The following MLST8 variants were observed in gnomAD, a reference collection of about 807,000 sequenced individuals.
The protein encoded by MLST8 is MTOR associated protein MLST8, also known as target of rapamycin complex subunit LST8.
Under a neutral mutation model 41.3 loss-of-function variants are expected in MLST8, and 20 were observed. The ratio of observed to expected loss-of-function variants is 0.48; its 90% confidence interval spans 0.34 to 0.70. MLST8 has a LOEUF of 0.70. MLST8 is among the 30% of genes least tolerant of loss of function. The pLI is 0.01. For missense variants in MLST8, 422 were observed against 454.3 expected, an observed-to-expected ratio of 0.93 and a Z score of 0.65; for synonymous variants, 243 against 183.0, an observed-to-expected ratio of 1.33 and a Z score of -2.65.
chr16:2,208,636 C>G (rs369486511), intron 8 of MLST8, 23 bp downstream of exon 8: 3 of 1,611,878 alleles, frequency 1.9e-6, no homozygotes, highest in Non-Finnish European at 2.5e-6. Context: ...CTGGCCTCCC[C>G]CATCCCTGGC....
rs368089285 is a variant in MLST8 at position 2,208,495 on chromosome 16, G to A, written c.744G>A (p.Arg248=). The A allele has an allele frequency of 6.2e-6, 10 of 1,613,252 alleles. No individual in the cohort carries two copies. The African/African-American group carries it at 8.0e-5, about 13-fold the overall frequency. ...CSADQTCKIW[R]TSNFSLMTEL... Reference sequence around the variant, plus strand: ...CTGATCAGACGTGCAAGATCTGGAGGACGTCCAACTTCTCCCTGATGACGG... The same window carrying A: ...CTGATCAGACGTGCAAGATCTGGAGAACGTCCAACTTCTCCCTGATGACGG... The change falls in exon 8 of 9, where the codon AGG becomes AGA. Residue 248 remains arginine (R), a synonymous_variant. Coordinates refer to ENST00000569417, the MANE Select transcript of MLST8 (RefSeq NM_022372.6).
Position 2,208,159 on chromosome 16 carries a change from G to T in MLST8, c.574-51G>T, listed in dbSNP as rs774313539. 7 of 1,551,062 alleles carry T rather than the reference G, an allele frequency of 4.5e-6. No homozygotes were observed. In the South Asian group the frequency reaches 8.4e-5, roughly 19 times the overall value. ...TGGCCCCCAGGGCATCCTTCCCTGT[G>T]TCTCAGACCTGAGGCCTTGGGCCCT... On this transcript the variant is annotated intron_variant, in intron 6 of 8. Coordinates refer to ENST00000569417, the MANE Select transcript of MLST8 (RefSeq NM_022372.6).
In MLST8 at chr16:2,208,239, G is replaced by C. The variant is rs774825501; in HGVS notation, c.603G>C (p.Gly201=). The change falls in exon 7 of 9, where the codon GGG becomes GGC. Residue 201 remains glycine (G), a synonymous_variant. Coordinates refer to ENST00000569417, the MANE Select transcript of MLST8 (RefSeq NM_022372.6). ...ACTGCTATGTCTGGAATCTGACGGG[G>C]GGCATTGGTGACGAGGTGACCCAGC... ...TGNCYVWNLT[G]GIGDEVTQLI... is the part of the protein sequence containing the mutation. 5 of 1,613,378 alleles carry C rather than the reference G, an allele frequency of 3.1e-6. No homozygotes were observed. In the South Asian group the frequency reaches 4.4e-5, roughly 14 times the overall value.
intron 6 of MLST8, chr16:2,207,803 C>T (rs1596721587): frequency 1.3e-5 from 3 of 231,412 alleles, no homozygotes; most frequent in South Asian, 8.0e-5. Flanking sequence ...TGTGGCGTGG[C>T]CCCTGCTCTT....
intron 7 of MLST8, 40 bp from the exon 8 acceptor site, chr16:2,208,410 G>C: frequency 6.2e-7 from 1 of 1,608,768 alleles, no homozygotes; most frequent in African/African-American, 1.3e-5. Flanking sequence ...CTGCTGGATG[G>C]AGTGGCTGCT....
rs2093361207 is a variant in MLST8 at position 2,209,423 on chromosome 16, A to G, written c.*546A>G. On this transcript the variant is annotated 3_prime_UTR_variant, in exon 9 of 9. Transcript: ENST00000569417. The stretch of plus-strand genomic sequence containing the variant: ...GATGTTGCTCGGGAAGCAGATGTCG[A>G]TGCAGAGATAAATCAGCCGCTGTCT... 5 of 1,613,824 alleles carry G rather than the reference A, an allele frequency of 3.1e-6. No individual in the cohort carries two copies. Among genetic ancestry groups the G allele is most frequent in the Non-Finnish European group, 4.2e-6 (5 of 1,179,996 alleles).
chr16:2,208,159 G>C, intron 6 of MLST8, 51 bp from the exon 7 acceptor site: 1 of 1,551,062 alleles, frequency 6.4e-7, no homozygotes. Context: ...CCTTCCCTGT[G>C]TCTCAGACCT....
chr16:2,208,695 TCTGCTGGGGCCGC>T, intron 8 of MLST8, 51 bp from the exon 9 acceptor site: 1 of 1,612,932 alleles, frequency 6.2e-7, no homozygotes, highest in Non-Finnish European at 8.5e-7. Context: ...CAGCTTCCCC[TCTGCTGGGGCCGC>T]CTGCTTGGCC....
intron 1 of MLST8, 158 bp downstream of exon 1, chr16:2,205,670 G>A (rs1049348449): frequency 1.0e-6 from 1 of 988,836 alleles, no homozygotes; most frequent in African/African-American, 1.7e-5. Context: ...ATCAGGGCCT[G>A]CCGCTGGCCT....
chr16:2,205,812 G>T, intron 1 of MLST8: 3 of 1,099,936 alleles, frequency 2.7e-6, no homozygotes, highest in Non-Finnish European at 2.2e-6. Context: ...GTGGGGGGGG[G>T]ACGGCGCCCC....
rs530878643 is a variant in MLST8, at chr16:2,209,226, C to T, written c.*349C>T. 109 of 845,702 alleles carry T rather than the reference C, an allele frequency of 1.3e-4. 1 individual carries two copies. The highest frequency in any genetic ancestry group is 7.5e-4 in the South Asian group (43 of 57,648). 52.4% of individuals were successfully genotyped at this position (845,702 alleles called of 1,614,324 possible). On this transcript the variant is annotated 3_prime_UTR_variant, in exon 9 of 9. Coordinates refer to ENST00000569417, the MANE Select transcript of MLST8 (RefSeq NM_022372.6). The stretch of plus-strand genomic sequence containing the variant: ...CCTCCCTGCCCGCGTTTCAGGGCCT[C>T]GGTCCATAGAGAACACCACCACCAT...
In MLST8 at chr16:2,206,307, G is replaced by A. The variant is rs758866268; in HGVS notation, c.130-51G>A. 8.1e-6 allele frequency: 13 copies of A among 1,610,214 alleles called. No homozygotes were observed. The East Asian group carries it at 2.5e-4, about 30-fold the overall frequency. On this transcript the variant is annotated intron_variant, in intron 2 of 8. Transcript: ENST00000569417. Reference sequence around the variant, plus strand: ...TGAAGGCCAGATGGTGGAGGCCTGGGGGGCCCTGGCCTCAGGGCTACCTTC... The same window carrying A: ...TGAAGGCCAGATGGTGGAGGCCTGGAGGGCCCTGGCCTCAGGGCTACCTTC...
At chr16:2,207,930 CCTT>C in intron 6 of MLST8, 1 of 364,064 alleles carries the variant, frequency 2.7e-6, no homozygotes, top group Non-Finnish European at 5.0e-6. Context: ...TAGCTGGTGC[CCTT>C]CTCCTGTCTA....
intron 4 of MLST8, 111 bp downstream of exon 4, chr16:2,206,770 C>T (rs771501134): frequency 1.4e-4 from 176 of 1,284,686 alleles, no homozygotes; most frequent in Non-Finnish European, 1.4e-4. Flanking sequence ...TTCCTGTGGG[C>T]GACTTACTGA....
At position 2,206,505 on chromosome 16, in the gene MLST8, C is replaced by T; in HGVS notation, c.190C>T (p.His64Tyr). Residue 64 changes from histidine to tyrosine, a missense_variant, in exon 4 of 9, where the codon CAC becomes TAC. His to Tyr is a moderately conservative substitution (Grantham distance 83). Transcript: ENST00000569417. ...TCAGCCTGTGTCCCTAGGTTACCAG[C>T]ACATCCGCATGTATGATCTCAACTC... ...RSMIAAAGYQ[H>Y]IRMYDLNSNN... The T allele has an allele frequency of 6.2e-7, 1 of 1,611,040 alleles. No individual in the cohort carries two copies. Among genetic ancestry groups the T allele is most frequent in the East Asian group, 2.2e-5 (1 of 44,760 alleles).
rs749623462 is a variant in MLST8, at chr16:2,208,609, C to G, written c.858C>G (p.Val286=). 1.2e-6 allele frequency: 2 copies of G among 1,612,340 alleles called. No homozygotes were observed. The highest frequency in any genetic ancestry group is 1.7e-6 in the Non-Finnish European group (2 of 1,179,582). The change falls in exon 8 of 9, where the codon GTC becomes GTG. Residue 286 remains valine, a synonymous_variant. Transcript: ENST00000569417. ...TCTCGGGGGACTCCCAGTACATCGT[C>G]ACTGGTGAGCCCCGCCCTGGCCTCC... The part of the protein sequence containing the change: ...CAFSGDSQYI[V]TASSDNLARL...
In MLST8 at chr16:2,206,516, G is replaced by A; in HGVS notation, c.201G>A (p.Met67Ile). ...IAAAGYQHIR[M>I]YDLNSNNPNP... is the part of the protein sequence containing the mutation. ...CCCTAGGTTACCAGCACATCCGCAT[G>A]TATGATCTCAACTCCAATAACCCTA... is the stretch of plus-strand genomic sequence containing the variant. Residue 67 changes from methionine (M) to isoleucine (I), a missense_variant, in exon 4 of 9, where the codon ATG becomes ATA. Transcript: ENST00000569417. 6.2e-7 allele frequency: 1 copy of A among 1,611,676 alleles called. No individual in the cohort carries two copies. Among genetic ancestry groups the A allele is most frequent in the South Asian group, 1.1e-5 (1 of 91,054 alleles).
intron 3 of MLST8, 38 bp downstream of exon 3, chr16:2,206,447 G>C (rs1201750170): frequency 6.2e-7 from 1 of 1,613,800 alleles, no homozygotes; most frequent in Non-Finnish European, 8.5e-7. Context: ...CCTGAGCTCT[G>C]GTGGGTCGAC....
At position 2,208,755 on chromosome 16, in the gene MLST8, C is replaced by G. The variant is rs1482928166; in HGVS notation, c.863-4C>G. On this transcript the variant is annotated splice_polypyrimidine_tract_variant and splice_region_variant and intron_variant, in intron 8 of 8. Transcript: ENST00000569417. ...TCTTAGCCCTGCACAATCTCCCCCT[C>G]CAGCTTCCTCGGACAACCTGGCCCG... 2 of 1,613,862 alleles carry G rather than the reference C, an allele frequency of 1.2e-6. No individual in the cohort carries two copies. Among genetic ancestry groups the G allele is most frequent in the Non-Finnish European group, 1.7e-6 (2 of 1,179,932 alleles).
Sources: allele counts gnomAD v4.1 joint callset, GRCh38; gene constraint gnomAD v4.1.1; transcripts MANE v1.5; gene names NCBI Gene and HGNC (gene_info 2026-07-23, HGNC 2026-07-21).